FAM163A: variants seen among roughly 807,000 people sequenced by gnomAD.
FAM163A encodes the protein protein FAM163A.
FAM163A carries 7 observed loss-of-function variants against 12.0 expected under a neutral mutation model. That is an observed-to-expected ratio of 0.58 (90% confidence interval 0.33 to 1.10). The LOEUF (loss-of-function observed/expected upper bound fraction) is 1.10. Among genes scored for constraint, FAM163A ranks in the 50% least tolerant of loss-of-function variants. The pLI, the probability that FAM163A is intolerant of heterozygous loss-of-function variation, is 0.03. For synonymous variants in FAM163A, 101 were observed against 91.0 expected (o/e 1.11, Z -0.62); for missense variants, 202 against 218.6 (o/e 0.92, Z 0.48).
At chr1:179,774,564 TGGA>T (rs902030434) in intron 1 of FAM163A, among the ~76,000 whole-genome samples, 2 of 152,138 alleles carry the variant, frequency 1.3e-5, no homozygotes, top group African/African-American at 4.8e-5. Context: ...AGTGGGAGAC[TGGA>T]GGAGGAGTGC....
intron 1 of FAM163A, among the ~76,000 whole-genome samples, chr1:179,794,099 C>T (rs1217993282): frequency 2.0e-5 from 3 of 152,226 alleles, no homozygotes; most frequent in Non-Finnish European, 4.4e-5. Flanking sequence ...AGGGCAGCGG[C>T]TGCCCTTACT....
intron 3 of FAM163A, among the ~76,000 whole-genome samples, chr1:179,812,788 G>C (rs151002478): frequency 6.6e-6 from 1 of 152,210 alleles, no homozygotes; most frequent in African/African-American, 2.4e-5. Context: ...ACGCAGAAGC[G>C]GGAGCTAAGA....
chr1:179,757,588 G>C (rs1686203011), intron 1 of FAM163A, among the ~76,000 whole-genome samples: 1 of 152,182 alleles, frequency 6.6e-6, no homozygotes, highest in South Asian at 2.1e-4. Flanking sequence ...CAGGTGGGTG[G>C]ATCTCTTGAG....
intron 1 of FAM163A, among the ~76,000 whole-genome samples, chr1:179,765,882 C>T (rs1405698708): frequency 6.6e-6 from 1 of 152,034 alleles, no homozygotes; most frequent in African/African-American, 2.4e-5. Flanking sequence ...TGACAGAAGT[C>T]CCCAAAGCTG....
intron 1 of FAM163A, among the ~76,000 whole-genome samples, chr1:179,785,663 C>T (rs1690506074): frequency 1.3e-5 from 2 of 152,224 alleles, no homozygotes; most frequent in East Asian, 1.9e-4. Flanking sequence ...TCCATAATTC[C>T]ACCCCTTAAA....
the FAM163A span, among the ~76,000 whole-genome samples, chr1:179,732,992 A>C: frequency 0.034 from 5,119 of 151,754 alleles, 111 homozygotes; most frequent in Middle Eastern, 0.065. Flanking sequence ...GGATGTGGAC[A>C]GAGACCTGCT....
upstream of FAM163A, among the ~76,000 whole-genome samples, chr1:179,741,709 G>T (rs1457674499): frequency 6.6e-6 from 1 of 152,234 alleles, no homozygotes; most frequent in Non-Finnish European, 1.5e-5. Context: ...TCAATTTATA[G>T]AAAGTTCAAA....
chr1:179,801,859 G>T (rs982005393), intron 1 of FAM163A, among the ~76,000 whole-genome samples: 4 of 152,158 alleles, frequency 2.6e-5, no homozygotes, highest in Non-Finnish European at 4.4e-5. Flanking sequence ...TAACAAAGAC[G>T]CGTGATTCCA....
At chr1:179,763,020 G>A (rs1405046529) in intron 1 of FAM163A, among the ~76,000 whole-genome samples, 1 of 152,124 alleles carries the variant, frequency 6.6e-6, no homozygotes, top group Non-Finnish European at 1.5e-5. Flanking sequence ...GATACTTAGG[G>A]AAAAAATAAG....
chr1:179,740,168 G>GTTTTTT (rs1331119705), upstream of FAM163A, among the ~76,000 whole-genome samples: 1 of 112,862 alleles, frequency 8.9e-6, no homozygotes, highest in Admixed American at 9.8e-5. Context: ...AACTTTATTT[G>GTTTTTT]GTTTTTGTTG....
intron 1 of FAM163A, among the ~76,000 whole-genome samples, chr1:179,803,253 G>A (rs892600623): frequency 6.6e-6 from 1 of 152,202 alleles, no homozygotes; most frequent in Non-Finnish European, 1.5e-5. Context: ...AGATCAGCTG[G>A]TGCTTAGGCC....
intron 1 of FAM163A, among the ~76,000 whole-genome samples, chr1:179,747,904 G>A (rs1018595526): frequency 6.6e-6 from 1 of 151,274 alleles, no homozygotes; most frequent in Non-Finnish European, 1.5e-5. Context: ...ATTAGGGCTG[G>A]GGCTGAGTAG....
the FAM163A span, among the ~76,000 whole-genome samples, chr1:179,730,775 A>G: frequency 6.6e-6 from 1 of 152,196 alleles, no homozygotes; most frequent in Non-Finnish European, 1.5e-5. Context: ...TTGTGAAAAA[A>G]GGCACTAATT....
At chr1:179,748,872 C>G (rs944996509) in intron 1 of FAM163A, among the ~76,000 whole-genome samples, 2 of 152,168 alleles carry the variant, frequency 1.3e-5, no homozygotes, top group Non-Finnish European at 2.9e-5. Context: ...CTTAGTAATT[C>G]GTCATTTACC....
chr1:179,797,309 A>G (rs1692468654), intron 1 of FAM163A, among the ~76,000 whole-genome samples: 1 of 152,150 alleles, frequency 6.6e-6, no homozygotes, highest in Admixed American at 6.5e-5. Context: ...TTAGCTGAGC[A>G]TGGTGGCACA....
At chr1:179,802,162 A>G (rs953795049) in intron 1 of FAM163A, among the ~76,000 whole-genome samples, 7 of 152,202 alleles carry the variant, frequency 4.6e-5, no homozygotes, top group African/African-American at 1.7e-4. Context: ...GTCACATCTT[A>G]TTGATGTTTA....
intron 1 of FAM163A, among the ~76,000 whole-genome samples, chr1:179,758,185 A>T (rs996711531): frequency 6.6e-6 from 1 of 152,210 alleles, no homozygotes; most frequent in Non-Finnish European, 1.5e-5. Flanking sequence ...ACTTCCTCAC[A>T]CAGAGGAGGC....
rs138203936 is a variant in FAM163A, at chr1:179,801,335, C to T, written c.-135-6463C>T. On this transcript the variant is annotated intron_variant, in intron 1 of 4. Coordinates refer to ENST00000341785, the MANE Select transcript of FAM163A (RefSeq NM_173509.3). ...GGCTCATCTCTCTTCCTCACCCCAT[C>T]GTCCCTGATCTGACCACCACCCCAT... Among the ~76,000 whole-genome samples, 74 of 152,218 alleles carry T rather than the reference C, an allele frequency of 4.9e-4. 1 individual carries two copies. The East Asian group carries it at 0.013, about 27-fold the overall frequency.
chr1:179,763,267 C>A (rs61828392), intron 1 of FAM163A, among the ~76,000 whole-genome samples: 17,168 of 152,220 alleles, frequency 0.11, 1,076 homozygotes, highest in Non-Finnish European at 0.13. Context: ...ATAGATGTAA[C>A]TTTCCCTTAC....
Sources: allele counts gnomAD v4.1 joint callset (sites outside exome capture counted in the v4.1 genomes callset), GRCh38; gene constraint gnomAD v4.1.1; transcripts MANE v1.5; gene names NCBI Gene and HGNC (gene_info 2026-07-23, HGNC 2026-07-21).